NR1H4: variants seen among roughly 807,000 people sequenced by gnomAD.
NR1H4 encodes the protein bile acid receptor.
Under a neutral mutation model 58.5 loss-of-function variants are expected in NR1H4, and 23 were observed. The observed-to-expected ratio is 0.39, with a 90% CI of 0.28 to 0.56. The LOEUF (loss-of-function observed/expected upper bound fraction) is 0.56. NR1H4 is among the 20% of genes least tolerant of loss of function. The pLI is 0.58. For synonymous variants in NR1H4, 214 were observed against 198.0 expected (o/e 1.08, Z -0.68); for missense variants, 487 against 576.9 (o/e 0.84, Z 1.60).
chr12:100,547,288 C>T (rs548231746), intron 9 of NR1H4, among the ~76,000 whole-genome samples: 2 of 152,132 alleles, frequency 1.3e-5, no homozygotes, highest in Non-Finnish European at 2.9e-5. Flanking sequence ...GAGATTGTCA[C>T]AAGAAACAAA....
chr12:100,513,912 TTAAAA>T (rs1189972951), intron 4 of NR1H4, among the ~76,000 whole-genome samples: 1 of 151,732 alleles, frequency 6.6e-6, no homozygotes. Flanking sequence ...TGAACTGGAA[TTAAAA>T]TAAACAAAAA....
intron 9 of NR1H4, among the ~76,000 whole-genome samples, chr12:100,559,841 C>T (rs1049127435): frequency 6.6e-6 from 1 of 152,250 alleles, no homozygotes; most frequent in Non-Finnish European, 1.5e-5. Flanking sequence ...GCCAGCTGGG[C>T]TCCTGAGTCT....
intron 4 of NR1H4, 113 bp downstream of exon 4, chr12:100,511,256 G>T: frequency 7.5e-7 from 1 of 1,325,092 alleles, no homozygotes; most frequent in Non-Finnish European, 1.1e-6. Flanking sequence ...TTCTCCTCCT[G>T]TGCGCCTACC....
rs147310779 is a variant in NR1H4 at position 100,507,665 on chromosome 12, A to T, written c.80-3113A>T. Among the ~76,000 whole-genome samples the T allele has an allele frequency of 1.7e-3, 260 of 152,168 alleles. 5 individuals carry two copies. Among genetic ancestry groups the T allele is most frequent in the East Asian group, 0.014 (73 of 5,158 alleles). ...TTTTTAGTAGAGACGGGGTTTCACC[A>T]TGTTGGCTAGGATGGTCTCAATCTT... On this transcript the variant is annotated intron_variant, in intron 3 of 10. Coordinates refer to ENST00000392986, the MANE Select transcript of NR1H4 (RefSeq NM_001206979.2).
At chr12:100,492,363 A>C (rs1200708374) in intron 1 of NR1H4, 140 bp from the exon 2 acceptor site, 2 of 152,210 alleles carry the variant, frequency 1.3e-5, no homozygotes, top group Non-Finnish European at 2.9e-5. Context: ...ACAGCTATTT[A>C]TTTGTAAATA....
At chr12:100,491,335 C>A (rs1953601164) in intron 1 of NR1H4, among the ~76,000 whole-genome samples, 1 of 151,772 alleles carries the variant, frequency 6.6e-6, no homozygotes, top group African/African-American at 2.4e-5. Context: ...GTTCGGAGTT[C>A]CACTGTGATA....
At position 100,503,086 on chromosome 12, in the gene NR1H4, C is replaced by A. The variant is rs561425825; in HGVS notation, c.80-7692C>A. ...TCCATTTTAAATCATACCATTCTGC[C>A]ACCTTTTGATGGGGACAAATGTCAG... is the stretch of plus-strand genomic sequence containing the variant. On this transcript the variant is annotated intron_variant, in intron 3 of 10. Coordinates refer to ENST00000392986, the MANE Select transcript of NR1H4 (RefSeq NM_001206979.2). Among the ~76,000 whole-genome samples, 69 of 152,206 alleles carry A rather than the reference C, an allele frequency of 4.5e-4. 1 individual carries two copies. The highest frequency in any genetic ancestry group is 8.3e-4 in the South Asian group (4 of 4,808).
chr12:100,501,152 CT>C (rs1953825085), intron 3 of NR1H4, among the ~76,000 whole-genome samples: 1 of 151,462 alleles, frequency 6.6e-6, no homozygotes, highest in Non-Finnish European at 1.5e-5. Context: ...ATAGATGTTT[CT>C]GAGGGCAACC....
intron 4 of NR1H4, among the ~76,000 whole-genome samples, chr12:100,512,593 A>G (rs1216303314): frequency 6.6e-6 from 1 of 151,998 alleles, no homozygotes; most frequent in Non-Finnish European, 1.5e-5. Flanking sequence ...GTGAGCCGAG[A>G]TCACGCCACT....
intron 9 of NR1H4, among the ~76,000 whole-genome samples, chr12:100,541,457 T>A (rs552208322): frequency 6.6e-6 from 1 of 151,928 alleles, no homozygotes; most frequent in East Asian, 1.9e-4. Flanking sequence ...AATTTTGGTA[T>A]TTTTAGTAGA....
chr12:100,477,153 A>T (rs1953288406), intron 1 of NR1H4, among the ~76,000 whole-genome samples: 1 of 152,060 alleles, frequency 6.6e-6, no homozygotes, highest in Non-Finnish European at 1.5e-5. Flanking sequence ...CAGTTTGCCC[A>T]TTTCCAATTT....
chr12:100,484,467 C>A (rs1244147444), intron 1 of NR1H4, among the ~76,000 whole-genome samples: 1 of 152,172 alleles, frequency 6.6e-6, no homozygotes, highest in Non-Finnish European at 1.5e-5. Flanking sequence ...ACAAACAGTG[C>A]ATACCATTTC....
Position 100,543,666 on chromosome 12 carries a change from T to G in NR1H4, c.1078+2848T>G, listed in dbSNP as rs571136453. 1.1e-4 allele frequency among the ~76,000 whole-genome samples: 16 copies of G among 152,206 alleles called. No homozygotes were observed. In the South Asian group the frequency reaches 3.3e-3, roughly 32 times the overall value. On this transcript the variant is annotated intron_variant, in intron 9 of 10. Coordinates refer to ENST00000392986, the MANE Select transcript of NR1H4 (RefSeq NM_001206979.2). ...TCTACAAGTCTTACTGCTTTTCCTC[T>G]CTTAAATAATTCAATTTTCCTGATG...
At chr12:100,554,479 T>C (rs1955279523) in intron 9 of NR1H4, among the ~76,000 whole-genome samples, 1 of 151,866 alleles carries the variant, frequency 6.6e-6, no homozygotes, top group African/African-American at 2.4e-5. Context: ...AAATAAAAAC[T>C]TTTAACATTT....
chr12:100,529,150 A>C (rs1157337892), intron 4 of NR1H4, among the ~76,000 whole-genome samples: 1 of 152,206 alleles, frequency 6.6e-6, no homozygotes, highest in Non-Finnish European at 1.5e-5. Context: ...TTTCCTACTG[A>C]AATTTACACC....
intron 4 of NR1H4, among the ~76,000 whole-genome samples, chr12:100,529,370 G>A (rs761069009): frequency 1.3e-5 from 2 of 152,016 alleles, no homozygotes; most frequent in Non-Finnish European, 2.9e-5. Flanking sequence ...TCCAATACGC[G>A]TTCCACCTTT....
chr12:100,527,673 T>C (rs1566458380), intron 4 of NR1H4, among the ~76,000 whole-genome samples: 1 of 152,202 alleles, frequency 6.6e-6, no homozygotes. Flanking sequence ...GAGATAATAG[T>C]ATGTGATGTT....
intron 3 of NR1H4, among the ~76,000 whole-genome samples, chr12:100,507,103 G>A (rs906277418): frequency 5.9e-5 from 9 of 152,274 alleles, no homozygotes; most frequent in Admixed American, 6.5e-5. Flanking sequence ...AGATTCTATC[G>A]GTTTTTGATC....
chr12:100,547,746 G>A (rs1955106016), intron 9 of NR1H4, among the ~76,000 whole-genome samples: 1 of 151,520 alleles, frequency 6.6e-6, no homozygotes, highest in Non-Finnish European at 1.5e-5. Context: ...TTGAGACAGA[G>A]TCTCACTCTG....
Sources: allele counts gnomAD v4.1 joint callset (sites outside exome capture counted in the v4.1 genomes callset), GRCh38; gene constraint gnomAD v4.1.1; transcripts MANE v1.5; gene names NCBI Gene and HGNC (gene_info 2026-07-23, HGNC 2026-07-21).